The following TSPAN11 variants were observed in gnomAD, a reference collection of about 807,000 sequenced individuals.
The protein encoded by TSPAN11 is tetraspanin 11.
In TSPAN11, 29 loss-of-function variants were observed where a neutral mutation model predicts 32.9. The ratio of observed to expected loss-of-function variants is 0.88; its 90% confidence interval spans 0.66 to 1.20. The LOEUF (loss-of-function observed/expected upper bound fraction) is 1.20. TSPAN11 is among the 50% of genes most tolerant of loss of function. The pLI is 0.00. For missense variants in TSPAN11, 283 were observed against 329.1 expected (o/e 0.86, Z 1.08); for synonymous variants, 140 against 141.3 (o/e 0.99, Z 0.07).
Position 30,983,136 on chromosome 12 carries a change from G to T in TSPAN11, c.688G>T (p.Val230Leu), listed in dbSNP as rs1939129811. 6.2e-7 allele frequency: 1 copy of T among 1,612,630 alleles called. No homozygotes were observed. Among genetic ancestry groups the T allele is most frequent in the Non-Finnish European group, 8.5e-7 (1 of 1,179,794 alleles). The change falls in exon 7 of 8, where the codon GTG (valine) becomes TTG (leucine). Residue 230 changes from valine (V) to leucine (L), a missense_variant. Val to Leu is a conservative substitution (Grantham distance 32). Transcript: ENST00000546076. The stretch of plus-strand genomic sequence containing the variant: ...GCTTATGGGGGCAGTGGGCATCGGG[G>T]TGGCCTGCCTGCAGGTGAGTTGCAG... ...LLLMGAVGIG[V>L]ACLQICGMVL... is the part of the protein sequence containing the mutation.
intron 5 of TSPAN11, among the ~76,000 whole-genome samples, chr12:30,982,204 G>A (rs1939105630): frequency 6.6e-6 from 1 of 152,122 alleles, no homozygotes; most frequent in African/African-American, 2.4e-5. Flanking sequence ...CCACCCAGTG[G>A]TACACAGCCT....
downstream of TSPAN11, chr12:30,999,334 AAAAGAAAG>A (rs906211411): frequency 6.6e-6 from 1 of 152,180 alleles, no homozygotes; most frequent in Non-Finnish European, 1.5e-5. Context: ...AAAAAAAAGA[AAAAGAAAG>A]AAAGAAAGAA....
chr12:30,941,277 A>G (rs928403822), intron 1 of TSPAN11, among the ~76,000 whole-genome samples: 1 of 152,248 alleles, frequency 6.6e-6, no homozygotes, highest in Non-Finnish European at 1.5e-5. Context: ...GGATTTTGCT[A>G]TACTTGGGGA....
In TSPAN11 at chr12:30,992,294, A is replaced by C; in HGVS notation, c.*379A>C. ...CGGCAGAAAACCCAGGAACCCCGGC[A>C]CTCCTGCATTCAGCACGGGATTCCC... On this transcript the variant is annotated 3_prime_UTR_variant, in exon 8 of 8. Coordinates refer to ENST00000546076, the MANE Select transcript of TSPAN11 (RefSeq NM_001370302.1). 3.4e-6 allele frequency: 1 copy of C among 294,898 alleles called. No individual in the cohort carries two copies. The highest frequency in any genetic ancestry group is 6.6e-6 in the Non-Finnish European group (1 of 152,382). The allele number at this position is 294,898 out of a possible 1,614,324, so 18.3% of individuals were successfully genotyped here.
intron 1 of TSPAN11, among the ~76,000 whole-genome samples, chr12:30,943,979 A>G (rs749235613): frequency 6.6e-6 from 1 of 152,204 alleles, no homozygotes; most frequent in Non-Finnish European, 1.5e-5. Flanking sequence ...TTTGGCCATC[A>G]AGCAGGCATG....
intron 5 of TSPAN11, among the ~76,000 whole-genome samples, chr12:30,982,240 A>AC (rs1939106258): frequency 6.6e-6 from 1 of 152,108 alleles, no homozygotes; most frequent in Non-Finnish European, 1.5e-5. Context: ...CACCTCGCAG[A>AC]CCCGTCCTGC....
At chr12:31,004,570 G>A in the TSPAN11 span, among the ~76,000 whole-genome samples, 11 of 152,244 alleles carry the variant, frequency 7.2e-5, no homozygotes, top group Admixed American at 3.3e-4. Flanking sequence ...GTCCTCTGTC[G>A]CTGTCTGAGT....
the TSPAN11 span, among the ~76,000 whole-genome samples, chr12:31,003,663 A>G: frequency 6.6e-6 from 1 of 152,164 alleles, no homozygotes; most frequent in Non-Finnish European, 1.5e-5. Flanking sequence ...GGGTGACTTG[A>G]GCACTTGTTT....
At chr12:31,010,744 C>T in the TSPAN11 span, among the ~76,000 whole-genome samples, 1 of 152,074 alleles carries the variant, frequency 6.6e-6, no homozygotes, top group Admixed American at 6.5e-5. Context: ...TGCAATGAGC[C>T]ATGATTATGC....
chr12:30,978,207 C>T (rs1939013668), intron 3 of TSPAN11: 1 of 235,256 alleles, frequency 4.3e-6, no homozygotes, highest in African/African-American at 2.2e-5. Flanking sequence ...CTAGAGCTTA[C>T]CCTGTAGTTG....
chr12:30,957,450 A>C (rs985800268), intron 2 of TSPAN11, among the ~76,000 whole-genome samples: 3 of 152,146 alleles, frequency 2.0e-5, no homozygotes, highest in Admixed American at 1.3e-4. Context: ...CTTCCCGGCC[A>C]AGCAGCTTCA....
In TSPAN11 at chr12:30,995,169, CACTG is replaced by C. The variant is rs1166047085; in HGVS notation, c.*3257_*3260del. The stretch of plus-strand genomic sequence containing the variant: ...CCCAGCCCGTCACCCCAGGTACAAA[CACTG>C]ACCCCAAAGCAAGAGCAGGGACTGT... On this transcript the variant is annotated 3_prime_UTR_variant, in exon 8 of 8. Transcript: ENST00000546076. 1.3e-5 allele frequency: 2 copies of C among 152,480 alleles called. No homozygotes were observed. Among genetic ancestry groups the C allele is most frequent in the African/African-American group, 2.4e-5 (1 of 41,474 alleles). 9.4% of individuals were successfully genotyped at this position (152,480 alleles called of 1,614,324 possible).
chr12:30,928,136 A>AG (rs1183264960), intron 1 of TSPAN11, among the ~76,000 whole-genome samples: 2 of 152,198 alleles, frequency 1.3e-5, no homozygotes, highest in Non-Finnish European at 2.9e-5. Flanking sequence ...AAATATGTAC[A>AG]GGCCTGTGTG....
At chr12:31,009,776 G>A in the TSPAN11 span, among the ~76,000 whole-genome samples, 10 of 152,240 alleles carry the variant, frequency 6.6e-5, no homozygotes, top group South Asian at 2.1e-4. Flanking sequence ...CAAACATCAC[G>A]GCACCCTGAC....
intron 1 of TSPAN11, among the ~76,000 whole-genome samples, chr12:30,930,898 T>A (rs934060915): frequency 5.3e-5 from 8 of 152,224 alleles, no homozygotes; most frequent in African/African-American, 1.9e-4. Flanking sequence ...AGTGGCTGCA[T>A]CCTGGCAGCC....
At chr12:30,977,623 G>A (rs997874300) in intron 3 of TSPAN11, among the ~76,000 whole-genome samples, 6 of 152,214 alleles carry the variant, frequency 3.9e-5, no homozygotes, top group Non-Finnish European at 5.9e-5. Context: ...CCCCCTCTCC[G>A]TGCTCCTCCA....
At chr12:31,010,446 T>C in the TSPAN11 span, among the ~76,000 whole-genome samples, 2 of 152,262 alleles carry the variant, frequency 1.3e-5, 1 homozygote, top group East Asian at 3.9e-4. Context: ...AACAGAGTCA[T>C]GTGAGGCCCT....
At chr12:30,941,428 C>T (rs1012717) in intron 1 of TSPAN11, among the ~76,000 whole-genome samples, 75,982 of 152,074 alleles carry the variant, frequency 0.5, 22,051 homozygotes, top group Non-Finnish European at 0.67. Context: ...AGAAATGGTC[C>T]GAAACTACTG....
chr12:30,988,573 A>G (rs35080), intron 7 of TSPAN11: 145,457 of 152,188 alleles, frequency 0.96, 69,550 homozygotes, highest in Admixed American at 0.96. Context: ...CTGGGCGACA[A>G]AGCAAGACTC....
Sources: gnomAD v4.1 joint callset for allele counts (sites outside exome capture counted in the v4.1 genomes callset) on GRCh38, gnomAD v4.1.1 for gene constraint, MANE v1.5 for transcripts, NCBI Gene and HGNC (gene_info 2026-07-23, HGNC 2026-07-21) for gene names.